Variants in ZNF667 observed in about 807,000 individuals in gnomAD.
ZNF667 encodes the protein zinc finger protein 667, also known as myocardial ischemic preconditioning upregulated 1 ortholog.
A neutral mutation model predicts 31.8 loss-of-function variants in ZNF667; 13 were observed. That is an observed-to-expected ratio of 0.41 (90% CI 0.27 to 0.65). The LOEUF (loss-of-function observed/expected upper bound fraction) is 0.65. ZNF667 is among the 30% of genes least tolerant of loss of function. The probability of loss-of-function intolerance (pLI) is 0.32; values close to 1 mark genes in which losing one functional copy is unlikely to be tolerated. For missense variants in ZNF667, 642 were observed against 725.6 expected, an observed-to-expected ratio of 0.88 and a Z score of 1.32; for synonymous variants, 228 against 247.1, an observed-to-expected ratio of 0.92 and a Z score of 0.73.
At chr19:56,476,200 G>A (rs185180597) in intron 1 of ZNF667, among the ~76,000 whole-genome samples, 3 of 152,242 alleles carry the variant, frequency 2.0e-5, no homozygotes, top group Non-Finnish European at 2.9e-5. Flanking sequence ...ACAGCGGGGC[G>A]CCACAGTCCA....
intron 3 of ZNF667, chr19:56,469,824 G>A (rs898495921): frequency 2.4e-6 from 1 of 422,534 alleles, no homozygotes; most frequent in Non-Finnish European, 4.8e-6. Context: ...CACGGAAAGG[G>A]CTTAAGTGTT....
In ZNF667 at chr19:56,440,797, C is replaced by G. The variant is rs1190994884; in HGVS notation, c.*365G>C. The G allele has an allele frequency of 1.6e-6, 1 of 635,412 alleles. No individual in the cohort carries two copies. The highest frequency in any genetic ancestry group is 2.0e-6 in the Non-Finnish European group (1 of 492,200). The allele number at this position is 635,412 out of a possible 1,614,324, so 39.4% of individuals were successfully genotyped here. A position where few individuals can be genotyped will look rare whatever the true frequency, so the allele number is the denominator to read the frequency against. ...GATTACAGGTGCGCACCACCACGCCCAGCTAATTTTGTATTTTTTAGTAGA... is the reference window on the plus strand; with the variant it reads ...GATTACAGGTGCGCACCACCACGCCGAGCTAATTTTGTATTTTTTAGTAGA... On this transcript the variant is annotated 3_prime_UTR_variant, in exon 7 of 7. Transcript: ENST00000504904.
chr19:56,461,436 T>C (rs1328278222), intron 4 of ZNF667, among the ~76,000 whole-genome samples: 1 of 151,880 alleles, frequency 6.6e-6, no homozygotes, highest in Non-Finnish European at 1.5e-5. Context: ...AAAATGAGGG[T>C]CAGGTGGAAA....
In ZNF667 at chr19:56,442,156, G is replaced by T; in HGVS notation, c.839C>A (p.Thr280Lys). The change falls in exon 7 of 7, where the codon ACA becomes AAA. Residue 280 changes from threonine to lysine, a missense_variant. Coordinates refer to ENST00000504904, the MANE Select transcript of ZNF667 (RefSeq NM_001321356.2). ...TCTCCCACATTTATTATATTTATGT[G>T]TTTTCTTTCCATTGTGAATTTTCTT... ...LHKKIHNGKK[T>K]HKYNKCGRGF... 6.2e-7 allele frequency: 1 copy of T among 1,613,480 alleles called. No homozygotes were observed. Among genetic ancestry groups the T allele is most frequent in the Non-Finnish European group, 8.5e-7 (1 of 1,179,806 alleles).
At chr19:56,466,980 G>C (rs1305938725) in intron 3 of ZNF667, 1 of 456,076 alleles carries the variant, frequency 2.2e-6, no homozygotes, top group African/African-American at 2.0e-5. Context: ...ACTGTGCTCT[G>C]TGACTCACCT....
At chr19:56,458,599 C>T (rs976856476) in intron 5 of ZNF667, among the ~76,000 whole-genome samples, 1 of 152,144 alleles carries the variant, frequency 6.6e-6, no homozygotes, top group African/African-American at 2.4e-5. Flanking sequence ...CTCCTGACCT[C>T]TGGGGAGGGG....
chr19:56,463,738 C>T lies in ZNF667; in HGVS notation c.-59-1309G>A, dbSNP rs542988574. On this transcript the variant is annotated intron_variant, in intron 3 of 6. Coordinates refer to ENST00000504904, the MANE Select transcript of ZNF667 (RefSeq NM_001321356.2). The stretch of plus-strand genomic sequence containing the variant: ...ACAGAGTTTTGCCATGTTGCCCAGG[C>T]TGGTCTCAAACTCCTGGGCTCAAGC... Among the ~76,000 whole-genome samples the T allele has an allele frequency of 2.6e-5, 4 of 152,206 alleles. No homozygotes were observed. The East Asian group carries it at 5.8e-4, about 22-fold the overall frequency.
chr19:56,464,792 G>A (rs186610623), intron 3 of ZNF667, among the ~76,000 whole-genome samples: 1 of 152,250 alleles, frequency 6.6e-6, no homozygotes, highest in East Asian at 1.9e-4. Flanking sequence ...TCTACTCCCA[G>A]GGCTGAGAAC....
intron 3 of ZNF667, among the ~76,000 whole-genome samples, chr19:56,470,272 G>T (rs1276715762): frequency 6.6e-6 from 1 of 152,234 alleles, no homozygotes; most frequent in African/African-American, 2.4e-5. Context: ...TTGGGAAAAG[G>T]TCGCATTGAC....
At position 56,441,554 on chromosome 19, in the gene ZNF667, T is replaced by G. The variant is rs1216612689; in HGVS notation, c.1441A>C (p.Ser481Arg). 1.2e-6 allele frequency: 2 copies of G among 1,614,126 alleles called. No individual in the cohort carries two copies. Among genetic ancestry groups the G allele is most frequent in the East Asian group, 4.5e-5 (2 of 44,898 alleles). The change falls in exon 7 of 7, where the codon AGC becomes CGC. Residue 481 changes from serine (S) to arginine (R), a missense_variant. Coordinates refer to ENST00000504904, the MANE Select transcript of ZNF667 (RefSeq NM_001321356.2). The surrounding 1 kb of genome is among the most constrained non-coding windows in gnomAD (Gnocchi z 4.2). ...TGTCGTGTGAGAGATATTCGGTGGC[T>G]GAAGGCTTTTCCACATTCCTCACAC... The part of the protein sequence containing the change: ...YQCEECGKAF[S>R]HRISLTRHKR...
chr19:56,455,569 AAAC>A (rs1206998297), intron 6 of ZNF667, among the ~76,000 whole-genome samples: 1 of 152,230 alleles, frequency 6.6e-6, no homozygotes, highest in African/African-American at 2.4e-5. Context: ...CTAAAAATCA[AAAC>A]AATTGAACTC....
At chr19:56,466,505 C>T (rs1011225017) in intron 3 of ZNF667, among the ~76,000 whole-genome samples, 1 of 152,144 alleles carries the variant, frequency 6.6e-6, no homozygotes, top group Non-Finnish European at 1.5e-5. Flanking sequence ...GTGCCCTGAG[C>T]CACACCCCAC....
chr19:56,476,666 C>T (rs1368223112), intron 1 of ZNF667, among the ~76,000 whole-genome samples: 1 of 152,174 alleles, frequency 6.6e-6, no homozygotes. Flanking sequence ...GGCAGCCCAT[C>T]ACATCTTAGA....
At chr19:56,469,439 A>G (rs1600456994) in intron 3 of ZNF667, among the ~76,000 whole-genome samples, 1 of 152,182 alleles carries the variant, frequency 6.6e-6, no homozygotes, top group East Asian at 1.9e-4. Flanking sequence ...TCTGTGCCAC[A>G]GTTTCCTCAC....
chr19:56,443,830 T>C (rs1266432305), intron 6 of ZNF667, among the ~76,000 whole-genome samples: 1 of 152,188 alleles, frequency 6.6e-6, no homozygotes, highest in Admixed American at 6.5e-5. Context: ...GGTGCCAAAG[T>C]CCAAGGTGAT....
Position 56,462,378 on chromosome 19 carries a change from T to TC in ZNF667, c.-9dup, listed in dbSNP as rs1197785713. On this transcript the variant is annotated 5_prime_UTR_variant, in exon 4 of 7. Coordinates refer to ENST00000504904, the MANE Select transcript of ZNF667 (RefSeq NM_001321356.2). ...CCCCCGTGCAGAAGGCATCCTTTCC[T>TC]CCCCCTTTAGGGTCCACACTGAGAG... The TC allele has an allele frequency of 6.2e-7, 1 of 1,613,978 alleles. No homozygotes were observed. The highest frequency in any genetic ancestry group is 2.2e-5 in the East Asian group (1 of 44,864).
At chr19:56,448,195 G>C (rs2042744458) in intron 6 of ZNF667, among the ~76,000 whole-genome samples, 1 of 152,056 alleles carries the variant, frequency 6.6e-6, no homozygotes, top group Admixed American at 6.6e-5. Flanking sequence ...ATGGAGTGAT[G>C]GTGGGACTCT....
intron 4 of ZNF667, 51 bp downstream of exon 4, chr19:56,462,287 T>A (rs370270830): frequency 1.8e-4 from 291 of 1,611,130 alleles, no homozygotes; most frequent in Non-Finnish European, 2.4e-4. Context: ...ATGGTCCACA[T>A]CTCACAAGAC....
intron 6 of ZNF667, among the ~76,000 whole-genome samples, chr19:56,457,125 A>C (rs1238262944): frequency 6.6e-6 from 1 of 152,204 alleles, no homozygotes; most frequent in Non-Finnish European, 1.5e-5. Context: ...ACTTAAAGAA[A>C]CAAACATACA....
Sources: gnomAD v4.1 joint callset for allele counts (sites outside exome capture counted in the v4.1 genomes callset) on GRCh38, gnomAD v4.1.1 for gene constraint, Gnocchi (gnomAD v3.1) non-coding constraint, MANE v1.5 for transcripts, NCBI Gene and HGNC (gene_info 2026-07-23, HGNC 2026-07-21) for gene names.